EVI5: variants seen among roughly 807,000 people sequenced by gnomAD.
EVI5 encodes the protein ecotropic viral integration site 5.
Under a neutral mutation model 112.0 loss-of-function variants are expected in EVI5, and 73 were observed. The observed-to-expected ratio is 0.65, with a 90% confidence interval of 0.54 to 0.79. The LOEUF (loss-of-function observed/expected upper bound fraction) is 0.79. Ranked by LOEUF, EVI5 falls within the 30% of genes least tolerant of loss-of-function variation. EVI5 has a pLI of 0.00. For missense variants in EVI5, 900 were observed against 968.8 expected (o/e 0.93, Z 0.94); for synonymous variants, 305 against 319.9 (o/e 0.95, Z 0.50).
intron 18 of EVI5, among the ~76,000 whole-genome samples, chr1:92,590,527 C>T (rs949172533): frequency 6.6e-6 from 1 of 151,980 alleles, no homozygotes; most frequent in Non-Finnish European, 1.5e-5. Flanking sequence ...GATGGAATAT[C>T]AAATGAATGA....
intron 10 of EVI5, among the ~76,000 whole-genome samples, chr1:92,666,705 A>T (rs1462608780): frequency 1.3e-5 from 2 of 152,090 alleles, no homozygotes; most frequent in Non-Finnish European, 2.9e-5. Context: ...ATAAAGAAAG[A>T]GAAATAAATA....
At chr1:92,585,882 A>G (rs1188601589) in intron 18 of EVI5, among the ~76,000 whole-genome samples, 1 of 149,096 alleles carries the variant, frequency 6.7e-6, no homozygotes, top group Non-Finnish European at 1.5e-5. Context: ...CTAGAATTCT[A>G]TCCAAGACAC....
At chr1:92,516,740 C>G (rs1195867489) in intron 19 of EVI5, among the ~76,000 whole-genome samples, 2 of 152,188 alleles carry the variant, frequency 1.3e-5, no homozygotes, top group African/African-American at 2.4e-5. Context: ...AAAGCCACAG[C>G]TGGGCCCTCT....
intron 18 of EVI5, among the ~76,000 whole-genome samples, chr1:92,594,085 C>CA (rs1557862748): frequency 6.6e-6 from 1 of 152,018 alleles, no homozygotes. Flanking sequence ...CATATGGAAC[C>CA]AAAAAAGAGC....
chr1:92,679,962 C>T (rs1667337081), intron 9 of EVI5, among the ~76,000 whole-genome samples: 1 of 152,162 alleles, frequency 6.6e-6, no homozygotes, highest in South Asian at 2.1e-4. Context: ...AAGGAGTACA[C>T]ACCAGGTTTT....
chr1:92,713,700 C>G (rs1314576197), intron 2 of EVI5, among the ~76,000 whole-genome samples: 1 of 152,170 alleles, frequency 6.6e-6, no homozygotes, highest in Non-Finnish European at 1.5e-5. Flanking sequence ...TCACTTGAAC[C>G]CAGGAGGCAG....
At chr1:92,739,885 G>A (rs1054206105) in intron 1 of EVI5, among the ~76,000 whole-genome samples, 3 of 151,188 alleles carry the variant, frequency 2.0e-5, no homozygotes, top group African/African-American at 7.3e-5. Context: ...ACTATTGTGG[G>A]TAAAGAGGAA....
At chr1:92,581,284 T>C (rs1671893620) in intron 18 of EVI5, among the ~76,000 whole-genome samples, 1 of 152,258 alleles carries the variant, frequency 6.6e-6, no homozygotes, top group Non-Finnish European at 1.5e-5. Flanking sequence ...TTTTGTTAAA[T>C]ATCTTGTACT....
chr1:92,725,777 G>C (rs1675479047), intron 2 of EVI5, among the ~76,000 whole-genome samples: 1 of 151,474 alleles, frequency 6.6e-6, no homozygotes, highest in Non-Finnish European at 1.5e-5. Flanking sequence ...CCAATAATGA[G>C]GTGGGGGGGA....
At chr1:92,655,207 A>C (rs1250637852) in intron 13 of EVI5, among the ~76,000 whole-genome samples, 1 of 152,138 alleles carries the variant, frequency 6.6e-6, no homozygotes, top group Non-Finnish European at 1.5e-5. Context: ...GGAAAAAAAA[A>C]AATCCTAAAA....
intron 18 of EVI5, among the ~76,000 whole-genome samples, chr1:92,597,744 A>G (rs1557870066): frequency 6.6e-6 from 1 of 152,226 alleles, no homozygotes; most frequent in South Asian, 2.1e-4. Context: ...TATGTACCAG[A>G]CATTATACAG....
At chr1:92,741,537 G>A (rs1322006025) in intron 1 of EVI5, among the ~76,000 whole-genome samples, 2 of 151,942 alleles carry the variant, frequency 1.3e-5, no homozygotes, top group African/African-American at 4.8e-5. Context: ...TTTCGAAAAG[G>A]GCCTTCAAAC....
At chr1:92,777,048 C>T (rs181740720) in intron 1 of EVI5, among the ~76,000 whole-genome samples, 9 of 152,044 alleles carry the variant, frequency 5.9e-5, no homozygotes, top group East Asian at 5.8e-4. Context: ...GTGATCCACC[C>T]GCCTTGGCCT....
intron 18 of EVI5, among the ~76,000 whole-genome samples, chr1:92,587,222 C>T (rs563344186): frequency 2.0e-5 from 3 of 151,936 alleles, no homozygotes; most frequent in South Asian, 4.1e-4. Flanking sequence ...AGTCTATGTA[C>T]GTATTTTCCT....
At chr1:92,684,277 C>A (rs1383332479) in intron 9 of EVI5, among the ~76,000 whole-genome samples, 3 of 152,120 alleles carry the variant, frequency 2.0e-5, no homozygotes, top group Non-Finnish European at 2.9e-5. Context: ...AATTTTCAAC[C>A]CAGAATCTCA....
chr1:92,620,129 G>A (rs988958308), intron 16 of EVI5, among the ~76,000 whole-genome samples: 3 of 152,178 alleles, frequency 2.0e-5, no homozygotes, highest in African/African-American at 7.2e-5. Flanking sequence ...CGGATCACCT[G>A]AAGTCGGAAG....
intron 14 of EVI5, among the ~76,000 whole-genome samples, chr1:92,634,219 T>A (rs11164786): frequency 0.92 from 140,167 of 152,142 alleles, 64,656 homozygotes; most frequent in East Asian, 0.97. Context: ...TGAATTTGAA[T>A]GTTGGCCTGC....
chr1:92,588,342 C>G (rs962377160), intron 18 of EVI5, among the ~76,000 whole-genome samples: 5 of 152,188 alleles, frequency 3.3e-5, no homozygotes, highest in African/African-American at 1.2e-4. Flanking sequence ...TCCTCTAATT[C>G]CCATGTCTCA....
At chr1:92,696,242 C>A (rs948034011) in intron 6 of EVI5, among the ~76,000 whole-genome samples, 1 of 151,992 alleles carries the variant, frequency 6.6e-6, no homozygotes, top group African/African-American at 2.4e-5. Flanking sequence ...ATAAATGACA[C>A]ATTAATTGAA....
Sources: gnomAD v4.1 joint callset for allele counts (sites outside exome capture counted in the v4.1 genomes callset) on GRCh38, gnomAD v4.1.1 for gene constraint, MANE v1.5 for transcripts, NCBI Gene and HGNC (gene_info 2026-07-23, HGNC 2026-07-21) for gene names.